The following TBC1D16 variants were observed in gnomAD, a reference collection of about 807,000 sequenced individuals.
TBC1D16 encodes CTD-2529O21.1.
TBC1D16 carries 58 observed loss-of-function variants against 74.7 expected under a neutral mutation model. The observed-to-expected ratio is 0.78, with a 90% CI of 0.63 to 0.97. TBC1D16 has a LOEUF of 0.97. TBC1D16 is among the 50% of genes least tolerant of loss of function. The probability of loss-of-function intolerance (pLI) is 0.00; values close to 1 mark genes in which losing one functional copy is unlikely to be tolerated. For synonymous variants in TBC1D16, 493 were observed against 474.7 expected, an observed-to-expected ratio of 1.04 and a Z score of -0.50; for missense variants, 1,014 against 1,079.5, an observed-to-expected ratio of 0.94 and a Z score of 0.85.
intron 1 of TBC1D16, among the ~76,000 whole-genome samples, chr17:80,024,634 C>CACCACACACACCATAGACACACAT (rs2036475419): frequency 8.3e-5 from 12 of 144,990 alleles, no homozygotes; most frequent in South Asian, 2.2e-4. Flanking sequence ...TAAGCACACA[C>CACCACACACACCATAGACACACAT]ACCACACACA....
In TBC1D16 at chr17:79,939,025, C is replaced by A. The variant is rs1228144964; in HGVS notation, c.*1834G>T. 1 of 152,590 alleles carries A rather than the reference C, an allele frequency of 6.6e-6. No individual in the cohort carries two copies. The highest frequency in any genetic ancestry group is 2.4e-5 in the African/African-American group (1 of 41,476). The allele number at this position is 152,590 out of a possible 1,614,324, so 9.5% of individuals were successfully genotyped here. A position where few individuals can be genotyped will look rare whatever the true frequency, so the allele number is the denominator to read the frequency against. ...GACTCCTGCCCTAGATCAGTGCTGA[C>A]TGTTGCAGGCCACCGAGTGTTGGCG... On this transcript the variant is annotated 3_prime_UTR_variant, in exon 12 of 12. Transcript: ENST00000310924.
rs1427286754 is a variant in TBC1D16 at position 79,940,639 on chromosome 17, C to T, written c.*220G>A. 2.0e-6 allele frequency: 1 copy of T among 490,890 alleles called. No homozygotes were observed. The highest frequency in any genetic ancestry group is 3.5e-5 in the East Asian group (1 of 28,534). The allele number at this position is 490,890 out of a possible 1,614,324, so 30.4% of individuals were successfully genotyped here. Reference sequence around the variant, plus strand: ...GGCTGCGCGTTCCACTGCAGCGTTTCAGGAGCTGACTTTCCTCTGGGTGGC... The same window carrying T: ...GGCTGCGCGTTCCACTGCAGCGTTTTAGGAGCTGACTTTCCTCTGGGTGGC... On this transcript the variant is annotated 3_prime_UTR_variant, in exon 12 of 12. Transcript: ENST00000310924. This position sits in a 1 kb window ranked among gnomAD's most constrained non-coding sequence, Gnocchi z 5.4.
rs781357068 is a variant in TBC1D16, at chr17:79,993,848, C to A, written c.779+16312G>T. Among the ~76,000 whole-genome samples the A allele has an allele frequency of 2.3e-4, 35 of 151,990 alleles. No homozygotes were observed. The highest frequency in any genetic ancestry group is 4.0e-4 in the Non-Finnish European group (27 of 67,994). Reference sequence around the variant, plus strand: ...CAAGGGCAGCTCTGTGTATTCAGAGCAGCTCAGCCCCTCGAGAGCACCAGG... The same window carrying A: ...CAAGGGCAGCTCTGTGTATTCAGAGAAGCTCAGCCCCTCGAGAGCACCAGG... On this transcript the variant is annotated intron_variant, in intron 3 of 11. Transcript: ENST00000310924. This position sits in a 1 kb window ranked among gnomAD's most constrained non-coding sequence, Gnocchi z 5.1.
At chr17:79,982,690 TA>T (rs879564299) in intron 3 of TBC1D16, among the ~76,000 whole-genome samples, 1,651 of 142,408 alleles carry the variant, frequency 0.012, 23 homozygotes, top group African/African-American at 0.038. Flanking sequence ...CCGCATCTAC[TA>T]AAAAAAAAAA....
chr17:79,943,784 T>C, intron 10 of TBC1D16: 1 of 1,237,826 alleles, frequency 8.1e-7, no homozygotes, highest in Non-Finnish European at 1.0e-6. Flanking sequence ...AAGGGACCCA[T>C]CTGCCGGGCC....
rs947535031 is a variant in TBC1D16, at chr17:80,000,992, T to C, written c.779+9168A>G. Among the ~76,000 whole-genome samples, 10 of 152,182 alleles carry C rather than the reference T, an allele frequency of 6.6e-5. No homozygotes were observed. The highest frequency in any genetic ancestry group is 2.4e-4 in the African/African-American group (10 of 41,458). On this transcript the variant is annotated intron_variant, in intron 3 of 11. Coordinates refer to ENST00000310924, the MANE Select transcript of TBC1D16 (RefSeq NM_019020.4). This position sits in a 1 kb window ranked among gnomAD's most constrained non-coding sequence, Gnocchi z 4.1. ...CACGGTGGCATCCCAGTCGAATTCTTTGGCAGCCCCTCCAAGCTCCCAGAG... is the reference window on the plus strand; with the variant it reads ...CACGGTGGCATCCCAGTCGAATTCTCTGGCAGCCCCTCCAAGCTCCCAGAG...
intron 3 of TBC1D16, among the ~76,000 whole-genome samples, chr17:79,973,541 C>T (rs1347803695): frequency 6.6e-6 from 1 of 152,076 alleles, no homozygotes; most frequent in African/African-American, 2.4e-5. Flanking sequence ...AACCCCGTTT[C>T]TACTAAAAAT....
intron 1 of TBC1D16, among the ~76,000 whole-genome samples, chr17:80,025,092 C>CAA (rs2036515552): frequency 1.7e-4 from 1 of 5,896 alleles, no homozygotes; most frequent in Middle Eastern, 0.028. Context: ...CCATGACACA[C>CAA]ACACACCATA....
At position 79,983,819 on chromosome 17, in the gene TBC1D16, A is replaced by G. The variant is rs1444509315; in HGVS notation, c.779+26341T>C. 6.6e-6 allele frequency among the ~76,000 whole-genome samples: 1 copy of G among 152,176 alleles called. No individual in the cohort carries two copies. The highest frequency in any genetic ancestry group is 6.5e-5 in the Admixed American group (1 of 15,280). ...TTTATGATTGTGTTTCATGGTTTAC[A>G]TGCTACAAATATTCTTTGGCATGTA... On this transcript the variant is annotated intron_variant, in intron 3 of 11. Transcript: ENST00000310924. This position sits in a 1 kb window ranked among gnomAD's most constrained non-coding sequence, Gnocchi z 5.6.
chr17:79,965,555 C>A (rs2033808230), intron 3 of TBC1D16, among the ~76,000 whole-genome samples: 1 of 152,162 alleles, frequency 6.6e-6, no homozygotes, highest in East Asian at 1.9e-4. Flanking sequence ...GACTTCCTTA[C>A]ATAAACCTTG....
intron 8 of TBC1D16, among the ~76,000 whole-genome samples, chr17:79,948,256 T>C (rs577765125): frequency 6.9e-6 from 1 of 144,544 alleles, no homozygotes; most frequent in South Asian, 2.2e-4. Flanking sequence ...GAAGTTGCAG[T>C]GAGCCGAGAT....
At chr17:79,942,003 G>A in intron 11 of TBC1D16, 57 bp downstream of exon 11, 1 of 1,487,862 alleles carries the variant, frequency 6.7e-7, no homozygotes, top group Non-Finnish European at 9.1e-7. Context: ...GAACGAGCTG[G>A]TGGGGTGGGG....
intron 1 of TBC1D16, among the ~76,000 whole-genome samples, chr17:80,025,450 G>A (rs1453587720): frequency 6.7e-6 from 1 of 150,146 alleles, no homozygotes; most frequent in East Asian, 1.9e-4. Flanking sequence ...TGCAGGCTCT[G>A]TGAGCTGGAG....
intron 3 of TBC1D16, among the ~76,000 whole-genome samples, chr17:80,005,559 C>T (rs781264888): frequency 2.6e-5 from 4 of 152,220 alleles, no homozygotes; most frequent in Non-Finnish European, 4.4e-5. Context: ...ACCCCCGGCT[C>T]GGGGAAGCTC....
In TBC1D16 at chr17:79,988,767, C is replaced by G. The variant is rs1344521153; in HGVS notation, c.779+21393G>C. On this transcript the variant is annotated intron_variant, in intron 3 of 11. Transcript: ENST00000310924. The surrounding 1 kb of genome is among the most constrained non-coding windows in gnomAD (Gnocchi z 5.7). ...CTTAGAAGGCCCCTGCTTGTTTTATCAGTTAGAGCCACAGAAAATCAAAGT... is the reference window on the plus strand; with the variant it reads ...CTTAGAAGGCCCCTGCTTGTTTTATGAGTTAGAGCCACAGAAAATCAAAGT... Among the ~76,000 whole-genome samples the G allele has an allele frequency of 6.6e-6, 1 of 152,224 alleles. No homozygotes were observed. Among genetic ancestry groups the G allele is most frequent in the South Asian group, 2.1e-4 (1 of 4,836 alleles).
At chr17:80,018,320 A>C (rs113510869) in intron 1 of TBC1D16, among the ~76,000 whole-genome samples, 14,236 of 145,398 alleles carry the variant, frequency 0.098, 1,254 homozygotes, top group African/African-American at 0.14. Flanking sequence ...CTCACTCTGT[A>C]GCCCAGGCTG....
In TBC1D16 at chr17:80,035,795, C is replaced by T. The variant is rs1231670459; in HGVS notation, c.-63G>A. ...GCCCCGTCCGGGCCCCGATACCCAC[C>T]CGGGTCCCGCTGCGGGGGCCGGATT... On this transcript the variant is annotated splice_region_variant and 5_prime_UTR_variant, in exon 1 of 12. Coordinates refer to ENST00000310924, the MANE Select transcript of TBC1D16 (RefSeq NM_019020.4). The surrounding 1 kb of genome is among the most constrained non-coding windows in gnomAD (Gnocchi z 5.3). 6.8e-6 allele frequency: 1 copy of T among 146,884 alleles called. No homozygotes were observed. The highest frequency in any genetic ancestry group is 1.5e-5 in the Non-Finnish European group (1 of 65,950). 9.1% of individuals were successfully genotyped at this position (146,884 alleles called of 1,614,324 possible).
intron 3 of TBC1D16, among the ~76,000 whole-genome samples, chr17:80,002,829 G>C (rs1323999302): frequency 6.6e-6 from 1 of 152,248 alleles, no homozygotes; most frequent in Non-Finnish European, 1.5e-5. Flanking sequence ...AGGACCGCGT[G>C]CACTGCAGGA....
chr17:79,972,870 T>C (rs2034171258), intron 3 of TBC1D16, among the ~76,000 whole-genome samples: 1 of 151,772 alleles, frequency 6.6e-6, no homozygotes, highest in Non-Finnish European at 1.5e-5. Flanking sequence ...TCGCCTGAGC[T>C]TAGGAGTTCG....
Sources: allele counts gnomAD v4.1 joint callset (sites outside exome capture counted in the v4.1 genomes callset), GRCh38; gene constraint gnomAD v4.1.1; non-coding constraint Gnocchi (gnomAD v3.1); transcripts MANE v1.5; gene names NCBI Gene and HGNC (gene_info 2026-07-23, HGNC 2026-07-21).